The following NDUFS6 variants were observed in gnomAD, a reference collection of about 807,000 sequenced individuals.
NDUFS6 encodes NADH:ubiquinone oxidoreductase subunit S6, also known as NADH dehydrogenase [ubiquinone] iron-sulfur protein 6, mitochondrial.
Under a neutral mutation model 13.2 loss-of-function variants are expected in NDUFS6, and 14 were observed. The ratio of observed to expected loss-of-function variants is 1.06; its 90% CI spans 0.70 to 1.66. The LOEUF (loss-of-function observed/expected upper bound fraction) is 1.66, where lower values mean the gene tolerates loss of function less well. NDUFS6 is among the 40% of genes most tolerant of loss of function. The pLI is 0.00. For synonymous variants in NDUFS6, 95 were observed against 72.3 expected (o/e 1.31, Z -1.60); for missense variants, 206 against 170.8 (o/e 1.21, Z -1.15).
At chr5:1,813,310 C>T (rs1734249107) in intron 2 of NDUFS6, among the ~76,000 whole-genome samples, 1 of 152,180 alleles carries the variant, frequency 6.6e-6, no homozygotes, top group South Asian at 2.1e-4. Context: ...GTCCATTTGT[C>T]TCTTTTAAAA....
intron 3 of NDUFS6, among the ~76,000 whole-genome samples, chr5:1,815,238 A>G (rs1161676476): frequency 6.6e-6 from 1 of 152,074 alleles, no homozygotes; most frequent in Non-Finnish European, 1.5e-5. Flanking sequence ...AGGCTGCCAC[A>G]GATCACTCAG....
chr5:1,801,622 G>C (rs1408495070), intron 1 of NDUFS6, 73 bp downstream of exon 1: 4 of 1,510,430 alleles, frequency 2.6e-6, no homozygotes, highest in Non-Finnish European at 3.5e-6. Flanking sequence ...TGGGCTCGCC[G>C]GGCATCCGCG....
At chr5:1,812,218 G>A (rs12515616) in intron 2 of NDUFS6, among the ~76,000 whole-genome samples, 74,901 of 151,634 alleles carry the variant, frequency 0.49, 21,732 homozygotes, top group Middle Eastern at 0.66. Context: ...CTTCTACCAG[G>A]AGCCCGCTCA....
chr5:1,803,504 C>T (rs913057463), intron 2 of NDUFS6, among the ~76,000 whole-genome samples: 1 of 152,094 alleles, frequency 6.6e-6, no homozygotes. Flanking sequence ...GACTTGCAGT[C>T]TAAAAATTGT....
At chr5:1,804,542 C>G (rs962909833) in intron 2 of NDUFS6, among the ~76,000 whole-genome samples, 1 of 152,256 alleles carries the variant, frequency 6.6e-6, no homozygotes, top group Non-Finnish European at 1.5e-5. Flanking sequence ...GTCCAGGGCA[C>G]GTCTTGGCCT....
chr5:1,809,567 A>G (rs1419948378), intron 2 of NDUFS6, among the ~76,000 whole-genome samples: 1 of 152,214 alleles, frequency 6.6e-6, no homozygotes, highest in South Asian at 2.1e-4. Context: ...AGCTGCGCAC[A>G]CTAAATGACG....
In NDUFS6 at chr5:1,802,370, AAG is replaced by A. The variant is rs1561102612; in HGVS notation, c.185_186del (p.Glu62GlyfsTer3). The A allele has an allele frequency of 6.2e-7, 1 of 1,613,894 alleles. No individual in the cohort carries two copies. Among genetic ancestry groups the A allele is most frequent in the Admixed American group, 1.7e-5 (1 of 60,012 alleles). ...AGAATTCGGTTTGTAGGTCGTCAGA[AAG>A]AGGTGAGTAAAAAATCTAGTGAAGA... is the stretch of plus-strand genomic sequence containing the variant. On this transcript the variant is annotated frameshift_variant and splice_region_variant, in exon 2 of 4. Coordinates refer to ENST00000274137, the MANE Select transcript of NDUFS6 (RefSeq NM_004553.6). LOFTEE classifies it high-confidence loss of function.
chr5:1,814,782 C>A lies in NDUFS6; in HGVS notation c.309+321C>A. 1 of 674,206 alleles carries A rather than the reference C, an allele frequency of 1.5e-6. No homozygotes were observed. Among genetic ancestry groups the A allele is most frequent in the Non-Finnish European group, 2.7e-6 (1 of 371,738 alleles). 41.8% of individuals were successfully genotyped at this position (674,206 alleles called of 1,614,324 possible). ...AGGCTGCCACACACAGCACCGCAGGCTGGGGTCGAAAACAACAAACACATT... is the reference window on the plus strand; with the variant it reads ...AGGCTGCCACACACAGCACCGCAGGATGGGGTCGAAAACAACAAACACATT... On this transcript the variant is annotated intron_variant, in intron 3 of 3. Transcript: ENST00000274137. The surrounding 1 kb of genome is among the most constrained non-coding windows in gnomAD (Gnocchi z 4.9).
chr5:1,802,340 A>G lies in NDUFS6; in HGVS notation c.152A>G (p.Tyr51Cys). 6.2e-7 allele frequency: 1 copy of G among 1,614,142 alleles called. No homozygotes were observed. The highest frequency in any genetic ancestry group is 8.5e-7 in the Non-Finnish European group (1 of 1,179,980). ...HTGQVYDDKD[Y>C]RRIRFVGRQK... ...TTCCAGGTTTATGATGATAAAGACT[A>G]CAGGAGAATTCGGTTTGTAGGTCGT... is the stretch of plus-strand genomic sequence containing the variant. Residue 51 changes from tyrosine to cysteine, a missense_variant, in exon 2 of 4, where the codon TAC becomes TGC. Physicochemically the swap from Tyr to Cys is radical, Grantham distance 194. Transcript: ENST00000274137.
chr5:1,805,100 G>A lies in NDUFS6; in HGVS notation c.186+2726G>A, dbSNP rs377135038. Among the ~76,000 whole-genome samples, 7 of 152,342 alleles carry A rather than the reference G, an allele frequency of 4.6e-5. 1 individual carries two copies. The South Asian group carries it at 1.4e-3, about 32-fold the overall frequency. Reference sequence around the variant, plus strand: ...CATCCCAACACTTCGGGAGGCCAAGGTGGGCTGATCACTTGAGCCCAGGCG... The same window carrying A: ...CATCCCAACACTTCGGGAGGCCAAGATGGGCTGATCACTTGAGCCCAGGCG... On this transcript the variant is annotated intron_variant, in intron 2 of 3. Coordinates refer to ENST00000274137, the MANE Select transcript of NDUFS6 (RefSeq NM_004553.6).
intron 2 of NDUFS6, among the ~76,000 whole-genome samples, chr5:1,813,524 G>A (rs1042892996): frequency 2.0e-4 from 30 of 152,290 alleles, no homozygotes; most frequent in African/African-American, 5.3e-4. Context: ...ATGAGTGGAA[G>A]CTTCCTGTCC....
chr5:1,804,242 C>T (rs562663129), intron 2 of NDUFS6, among the ~76,000 whole-genome samples: 43 of 152,360 alleles, frequency 2.8e-4, no homozygotes, highest in Non-Finnish European at 6.2e-4. Flanking sequence ...CAGCCCAGCT[C>T]CCTATCTCAG....
chr5:1,815,078 C>T (rs531507879), intron 3 of NDUFS6, among the ~76,000 whole-genome samples: 2 of 152,244 alleles, frequency 1.3e-5, no homozygotes, highest in South Asian at 2.1e-4. Flanking sequence ...GGGGGGCACA[C>T]GGTTTATTTT....
At chr5:1,803,910 T>TGAA (rs1388174193) in intron 2 of NDUFS6, among the ~76,000 whole-genome samples, 1 of 152,246 alleles carries the variant, frequency 6.6e-6, no homozygotes, top group African/African-American at 2.4e-5. Context: ...TGGTTTCTTT[T>TGAA]GGCAGTGATC....
intron 2 of NDUFS6, among the ~76,000 whole-genome samples, chr5:1,807,618 G>A (rs184253317): frequency 1.6e-4 from 25 of 152,290 alleles, no homozygotes; most frequent in African/African-American, 6.0e-4. Flanking sequence ...CTGGGCCCAC[G>A]CGGCACCTCC....
intron 2 of NDUFS6, among the ~76,000 whole-genome samples, chr5:1,811,453 G>A (rs959317256): frequency 6.6e-5 from 10 of 152,196 alleles, no homozygotes; most frequent in African/African-American, 2.4e-4. Flanking sequence ...TCTAAGTGGT[G>A]TTAAATATTC....
chr5:1,811,407 C>G (rs1293444642), intron 2 of NDUFS6, among the ~76,000 whole-genome samples: 7 of 152,152 alleles, frequency 4.6e-5, no homozygotes, highest in African/African-American at 1.7e-4. Flanking sequence ...ATATAATTAT[C>G]ACACCTTAAA....
rs143721923 is a variant in NDUFS6 at position 1,804,020 on chromosome 5, C to T, written c.186+1646C>T. Reference sequence around the variant, plus strand: ...AACCGATGGATGTGGGGAGGGTTCGCAGGCCCTTTGGTTTCTTTTGGCAGT... The same window carrying T: ...AACCGATGGATGTGGGGAGGGTTCGTAGGCCCTTTGGTTTCTTTTGGCAGT... On this transcript the variant is annotated intron_variant, in intron 2 of 3. Coordinates refer to ENST00000274137, the MANE Select transcript of NDUFS6 (RefSeq NM_004553.6). 9.2e-3 allele frequency among the ~76,000 whole-genome samples: 1,395 copies of T among 152,278 alleles called. 11 individuals carry two copies. Among genetic ancestry groups the T allele is most frequent in the Middle Eastern group, 0.017 (5 of 294 alleles).
At chr5:1,812,106 C>A (rs1238182518) in intron 2 of NDUFS6, among the ~76,000 whole-genome samples, 1 of 152,122 alleles carries the variant, frequency 6.6e-6, no homozygotes, top group Non-Finnish European at 1.5e-5. Flanking sequence ...AGATTTATTT[C>A]TTACAGTCTG....
Sources: gnomAD v4.1 joint callset for allele counts (sites outside exome capture counted in the v4.1 genomes callset) on GRCh38, gnomAD v4.1.1 for gene constraint, Gnocchi (gnomAD v3.1) non-coding constraint, MANE v1.5 for transcripts, NCBI Gene and HGNC (gene_info 2026-07-23, HGNC 2026-07-21) for gene names.